PAPOLA: variants seen among roughly 807,000 people sequenced by gnomAD.
The protein encoded by PAPOLA is polynucleotide adenylyltransferase alpha.
In PAPOLA, 15 loss-of-function variants were observed where a neutral mutation model predicts 100.6. That is an observed-to-expected ratio of 0.15 (90% CI 0.10 to 0.23). PAPOLA has a LOEUF of 0.23. Ranked by LOEUF, PAPOLA falls within the 10% of genes least tolerant of loss-of-function variation. PAPOLA has a pLI of 1.00. For missense variants in PAPOLA, 533 were observed against 884.2 expected, an observed-to-expected ratio of 0.60 and a Z score of 5.04; for synonymous variants, 293 against 300.0, an observed-to-expected ratio of 0.98 and a Z score of 0.24.
rs529766976 is a variant in PAPOLA, at chr14:96,539,621, C to G, written c.1115+2561C>G. 2.3e-3 allele frequency among the ~76,000 whole-genome samples: 346 copies of G among 152,040 alleles called. 4 individuals are homozygous for G. Among genetic ancestry groups the G allele is most frequent in the Non-Finnish European group, 2.8e-3 (192 of 67,914 alleles). Reference sequence around the variant, plus strand: ...TTTAAATTTGGGGAAAAGGTAATGGCAATTGCATCAAGACTTCAAAGTCTC... The same window carrying G: ...TTTAAATTTGGGGAAAAGGTAATGGGAATTGCATCAAGACTTCAAAGTCTC... On this transcript the variant is annotated intron_variant, in intron 12 of 21. Coordinates refer to ENST00000216277, the MANE Select transcript of PAPOLA (RefSeq NM_032632.5).
At chr14:96,534,669 C>A in intron 10 of PAPOLA, 106 bp downstream of exon 10, 1 of 1,577,456 alleles carries the variant, frequency 6.3e-7, no homozygotes, top group East Asian at 2.3e-5. Flanking sequence ...TATGAATGGT[C>A]ATGTCCGTAT....
At chr14:96,548,610 C>G (rs1421298677) in intron 16 of PAPOLA, among the ~76,000 whole-genome samples, 1 of 152,046 alleles carries the variant, frequency 6.6e-6, no homozygotes, top group Non-Finnish European at 1.5e-5. Context: ...AATAAATGAA[C>G]TACAACTGCA....
intron 6 of PAPOLA, among the ~76,000 whole-genome samples, chr14:96,530,533 G>A (rs1052616248): frequency 6.6e-5 from 10 of 151,734 alleles, no homozygotes; most frequent in African/African-American, 2.4e-4. Flanking sequence ...GACTACAGGC[G>A]CTTGTCACCA....
chr14:96,550,221 C>T (rs1385792518), intron 16 of PAPOLA, among the ~76,000 whole-genome samples: 2 of 152,096 alleles, frequency 1.3e-5, no homozygotes, highest in Admixed American at 1.3e-4. Context: ...AGATTATGTT[C>T]TTTAGAACTT....
In PAPOLA at chr14:96,565,460, T is replaced by C. The variant is rs189750990; in HGVS notation, c.*410T>C. The C allele has an allele frequency of 8.2e-6, 3 of 366,668 alleles. No homozygotes were observed. Among genetic ancestry groups the C allele is most frequent in the African/African-American group, 6.2e-5 (3 of 48,234 alleles). 22.7% of individuals were successfully genotyped at this position (366,668 alleles called of 1,614,324 possible). The stretch of plus-strand genomic sequence containing the variant: ...ATTAGAAAGTAGAACTAATTTTAGA[T>C]TTTCAGCTTGATGGATTTTCAGTTT... On this transcript the variant is annotated 3_prime_UTR_variant, in exon 22 of 22. Coordinates refer to ENST00000216277, the MANE Select transcript of PAPOLA (RefSeq NM_032632.5).
rs770164070 is a variant in PAPOLA, at chr14:96,555,834, T to TC, written c.1665-13_1665-12insC. Reference sequence around the variant, plus strand: ...TTAAATTTTGAGACAATTTTTAATTTTTTTTTTTTTAGCAGAAACAGTCCT... The same window carrying TC: ...TTAAATTTTGAGACAATTTTTAATTTCTTTTTTTTTTAGCAGAAACAGTCCT... On this transcript the variant is annotated splice_polypyrimidine_tract_variant and intron_variant, in intron 17 of 21. Transcript: ENST00000216277. The TC allele has an allele frequency of 1.4e-6, 2 of 1,424,320 alleles. No individual in the cohort carries two copies. Among genetic ancestry groups the TC allele is most frequent in the Middle Eastern group, 1.8e-4 (1 of 5,474 alleles). The allele number at this position is 1,424,320 out of a possible 1,614,324, so 88.2% of individuals were successfully genotyped here.
rs74086703 is a variant in PAPOLA at position 96,518,402 on chromosome 14, T to C, written c.9-1653T>C. Among the ~76,000 whole-genome samples the C allele has an allele frequency of 9.3e-3, 1,407 of 151,486 alleles. 29 individuals are homozygous for C. Among genetic ancestry groups the C allele is most frequent in the African/African-American group, 0.032 (1,328 of 41,396 alleles). On this transcript the variant is annotated intron_variant, in intron 1 of 21. Transcript: ENST00000216277. ...CATAGCATTCTTAGATTTAGCACTT[T>C]ATTGCTTTTTGCTTTTTTTTTTTTG...
intron 17 of PAPOLA, among the ~76,000 whole-genome samples, chr14:96,555,387 T>G (rs1901228540): frequency 6.6e-6 from 1 of 152,032 alleles, no homozygotes; most frequent in African/African-American, 2.4e-5. Flanking sequence ...ATTAATAACT[T>G]TTTAAAGGAT....
intron 3 of PAPOLA, among the ~76,000 whole-genome samples, chr14:96,524,514 C>G (rs1176536478): frequency 6.6e-6 from 1 of 151,922 alleles, no homozygotes; most frequent in Non-Finnish European, 1.5e-5. Flanking sequence ...CCCTTCTTCC[C>G]CTCTTCCCCT....
chr14:96,530,806 A>G (rs1898938315), intron 6 of PAPOLA, among the ~76,000 whole-genome samples: 1 of 152,148 alleles, frequency 6.6e-6, no homozygotes, highest in African/African-American at 2.4e-5. Flanking sequence ...GCTTTAAGGA[A>G]AATTAGGTTT....
At chr14:96,540,761 A>G (rs769684734) in intron 12 of PAPOLA, among the ~76,000 whole-genome samples, 1 of 152,224 alleles carries the variant, frequency 6.6e-6, no homozygotes, top group Non-Finnish European at 1.5e-5. Context: ...ATAGACTTCA[A>G]GTTAACTCCA....
chr14:96,512,090 A>T (rs1406827936), intron 1 of PAPOLA, among the ~76,000 whole-genome samples: 1 of 152,222 alleles, frequency 6.6e-6, no homozygotes. Flanking sequence ...TTCTAATTTA[A>T]TGGTGAACGG....
chr14:96,561,894 C>G (rs758592899), intron 20 of PAPOLA, among the ~76,000 whole-genome samples: 2 of 135,524 alleles, frequency 1.5e-5, no homozygotes, highest in Admixed American at 7.3e-5. Context: ...TCTTCTTTGT[C>G]CTTTTTTTGG....
At chr14:96,508,178 G>A (rs1595493788) in intron 1 of PAPOLA, among the ~76,000 whole-genome samples, 2 of 152,144 alleles carry the variant, frequency 1.3e-5, no homozygotes, top group Non-Finnish European at 2.9e-5. Context: ...GCCTCTGGTG[G>A]TTTTCTGAAC....
rs562781299 is a variant in PAPOLA at position 96,531,031 on chromosome 14, G to A, written c.496-444G>A. ...GTAGTTTTTGTTTTTGAGACGGAGT[G>A]TTGCTCTGTCACCCAGGCTGTAGTG... On this transcript the variant is annotated intron_variant, in intron 6 of 21. Coordinates refer to ENST00000216277, the MANE Select transcript of PAPOLA (RefSeq NM_032632.5). Among the ~76,000 whole-genome samples, 54 of 151,294 alleles carry A rather than the reference G, an allele frequency of 3.6e-4. No homozygotes were observed. In the South Asian group the frequency reaches 0.011, roughly 31 times the overall value.
At chr14:96,509,318 C>T (rs1896945373) in intron 1 of PAPOLA, among the ~76,000 whole-genome samples, 2 of 152,160 alleles carry the variant, frequency 1.3e-5, no homozygotes, top group African/African-American at 4.8e-5. Flanking sequence ...TGGCTCATGC[C>T]ACCATGCCTG....
intron 1 of PAPOLA, among the ~76,000 whole-genome samples, chr14:96,503,388 C>G (rs1433058293): frequency 1.3e-5 from 2 of 151,426 alleles, no homozygotes; most frequent in Non-Finnish European, 2.9e-5. Flanking sequence ...TGAAGCTAGT[C>G]TCTTTATGCT....
intron 2 of PAPOLA, 24 bp from the exon 3 acceptor site, chr14:96,520,982 G>T: frequency 1.9e-6 from 2 of 1,043,464 alleles, no homozygotes; most frequent in South Asian, 2.5e-5. Context: ...TGGAATACTT[G>T]ATTGATAATT....
intron 4 of PAPOLA, 142 bp downstream of exon 4, chr14:96,525,533 A>G: frequency 2.0e-6 from 1 of 507,862 alleles, no homozygotes; most frequent in Non-Finnish European, 3.5e-6. Context: ...TTTTTCAGTA[A>G]GAAAGATGTA....
Sources: gnomAD v4.1 joint callset for allele counts (sites outside exome capture counted in the v4.1 genomes callset) on GRCh38, gnomAD v4.1.1 for gene constraint, MANE v1.5 for transcripts, NCBI Gene and HGNC (gene_info 2026-07-23, HGNC 2026-07-21) for gene names.